The following SLC66A2 variants were observed in gnomAD, a reference collection of about 807,000 sequenced individuals.
The protein encoded by SLC66A2 is solute carrier family 66 member 2.
A neutral mutation model predicts 25.5 loss-of-function variants in SLC66A2; 23 were observed. The observed-to-expected ratio is 0.90, with a 90% CI of 0.65 to 1.28. The LOEUF (loss-of-function observed/expected upper bound fraction) is 1.28. Ranked by LOEUF, SLC66A2 falls within the 50% of genes most tolerant of loss-of-function variation. The pLI is 0.00. For missense variants in SLC66A2, 396 were observed against 373.1 expected (o/e 1.06, Z -0.51); for synonymous variants, 193 against 166.5 (o/e 1.16, Z -1.23).
chr18:79,914,369 A>T (rs1205380027), intron 5 of SLC66A2, among the ~76,000 whole-genome samples: 2 of 152,206 alleles, frequency 1.3e-5, no homozygotes, highest in Non-Finnish European at 2.9e-5. Context: ...AACTCCTGAC[A>T]GGGCTGGGGA....
At chr18:79,909,801 A>C (rs1245700469) in intron 5 of SLC66A2, among the ~76,000 whole-genome samples, 4 of 33,694 alleles carry the variant, frequency 1.2e-4, no homozygotes, top group African/African-American at 3.7e-4. Context: ...CTTCCCCACC[A>C]TCTCACAAGA....
At chr18:79,926,181 T>C (rs779910002) in intron 4 of SLC66A2, among the ~76,000 whole-genome samples, 12 of 152,162 alleles carry the variant, frequency 7.9e-5, no homozygotes, top group Non-Finnish European at 1.2e-4. Flanking sequence ...GAAATAACCA[T>C]AAAAATGGGC....
rs1008448088 is a variant in SLC66A2, at chr18:79,940,648, C to G, written c.337+2681G>C. Among the ~76,000 whole-genome samples the G allele has an allele frequency of 6.6e-6, 1 of 152,068 alleles. No homozygotes were observed. The highest frequency in any genetic ancestry group is 1.5e-5 in the Non-Finnish European group (1 of 67,996). On this transcript the variant is annotated intron_variant, in intron 3 of 5. Transcript: ENST00000397778. This position sits in a 1 kb window ranked among gnomAD's most constrained non-coding sequence, Gnocchi z 4.1. The stretch of plus-strand genomic sequence containing the variant: ...AAGCCAGAGCTTTCAGTCTGAACTC[C>G]AGTGATGTTCCTGCCTTGCCCTCCC...
chr18:79,908,263 C>T (rs957192281), intron 5 of SLC66A2, among the ~76,000 whole-genome samples: 14 of 151,908 alleles, frequency 9.2e-5, no homozygotes, highest in Non-Finnish European at 1.6e-4. Flanking sequence ...CCCATGACTT[C>T]GCTTTGTTTC....
intron 3 of SLC66A2, among the ~76,000 whole-genome samples, chr18:79,934,439 C>A (rs59300126): frequency 0.13 from 19,129 of 152,206 alleles, 1,323 homozygotes; most frequent in Middle Eastern, 0.17. Flanking sequence ...AATATAGCTG[C>A]CCCAGGTCAA....
chr18:79,922,397 C>A (rs1435218459), intron 4 of SLC66A2, among the ~76,000 whole-genome samples: 2 of 152,120 alleles, frequency 1.3e-5, no homozygotes, highest in East Asian at 1.9e-4. Flanking sequence ...GGCGCAGCCC[C>A]CCTCGGGTTA....
intron 4 of SLC66A2, among the ~76,000 whole-genome samples, chr18:79,932,951 A>G (rs1034767409): frequency 6.6e-6 from 1 of 152,238 alleles, no homozygotes; most frequent in Non-Finnish European, 1.5e-5. Context: ...AACTTATTCT[A>G]TAAGGCCAGT....
intron 5 of SLC66A2, among the ~76,000 whole-genome samples, chr18:79,907,186 G>A (rs1038973070): frequency 3.3e-5 from 5 of 152,160 alleles, no homozygotes; most frequent in Non-Finnish European, 5.9e-5. Flanking sequence ...ATTATTGACA[G>A]GTTTGAATTT....
chr18:79,939,915 CA>C (rs1357066142), intron 3 of SLC66A2, among the ~76,000 whole-genome samples: 2 of 152,168 alleles, frequency 1.3e-5, no homozygotes, highest in Non-Finnish European at 2.9e-5. Context: ...CACATGCACA[CA>C]TATGTTCACT....
At position 79,941,534 on chromosome 18, in the gene SLC66A2, A is replaced by G. The variant is rs908500238; in HGVS notation, c.337+1795T>C. 3.9e-5 allele frequency: 6 copies of G among 152,222 alleles called. No homozygotes were observed. Among genetic ancestry groups the G allele is most frequent in the Non-Finnish European group, 7.3e-5 (5 of 68,044 alleles). 9.4% of individuals were successfully genotyped at this position (152,222 alleles called of 1,614,324 possible). ...TTTTAACTCATCCTGGGTAACCAGA[A>G]GAGAAGTACTCCTTTGGAAGAAGTG... On this transcript the variant is annotated intron_variant, in intron 3 of 5. Coordinates refer to ENST00000397778, the MANE Select transcript of SLC66A2 (RefSeq NM_025078.5). This position sits in a 1 kb window ranked among gnomAD's most constrained non-coding sequence, Gnocchi z 4.1.
At chr18:79,907,182 G>C (rs1982236492) in intron 5 of SLC66A2, among the ~76,000 whole-genome samples, 1 of 152,106 alleles carries the variant, frequency 6.6e-6, no homozygotes. Context: ...TGTTATTATT[G>C]ACAGGTTTGA....
At chr18:79,939,511 C>T (rs1194540716) in intron 3 of SLC66A2, among the ~76,000 whole-genome samples, 1 of 152,108 alleles carries the variant, frequency 6.6e-6, no homozygotes, top group Non-Finnish European at 1.5e-5. Context: ...TAATATCCAG[C>T]AACTATAAGG....
chr18:79,903,862 C>T lies in SLC66A2; in HGVS notation c.*114G>A, dbSNP rs1054751333. 6.6e-6 allele frequency: 6 copies of T among 914,574 alleles called. No homozygotes were observed. The African/African-American group carries it at 6.8e-5, about 10-fold the overall frequency. 56.7% of individuals were successfully genotyped at this position (914,574 alleles called of 1,614,324 possible). ...AGAGGCTGATGGAGACCCCAATGCCCATGCCCCATCTCTGCCACACCTGCA... is the reference window on the plus strand; with the variant it reads ...AGAGGCTGATGGAGACCCCAATGCCTATGCCCCATCTCTGCCACACCTGCA... On this transcript the variant is annotated 3_prime_UTR_variant, in exon 6 of 6. Coordinates refer to ENST00000397778, the MANE Select transcript of SLC66A2 (RefSeq NM_025078.5).
At chr18:79,912,093 G>C (rs1983281381) in intron 5 of SLC66A2, among the ~76,000 whole-genome samples, 1 of 25,008 alleles carries the variant, frequency 4.0e-5, no homozygotes, top group African/African-American at 8.8e-5. Flanking sequence ...ACAAGAGCAG[G>C]AAGGGGACAG....
intron 4 of SLC66A2, among the ~76,000 whole-genome samples, chr18:79,929,062 C>G (rs1986294696): frequency 6.6e-6 from 1 of 152,186 alleles, no homozygotes; most frequent in Non-Finnish European, 1.5e-5. Flanking sequence ...GGTACAAGTT[C>G]AAGTGTAAGG....
chr18:79,933,304 A>G (rs540336081), intron 4 of SLC66A2, among the ~76,000 whole-genome samples: 4 of 152,380 alleles, frequency 2.6e-5, no homozygotes, highest in East Asian at 3.9e-4. Flanking sequence ...ATGAAGGGCA[A>G]CTATGGAAAA....
At position 79,942,753 on chromosome 18, in the gene SLC66A2, T is replaced by C. The variant is rs114413629; in HGVS notation, c.337+576A>G. ...CAAAAACTGGAAGAAGTATTTTCTA[T>C]TTTCTAAGCTGCCAAAGGTTAAGGA... is the stretch of plus-strand genomic sequence containing the variant. On this transcript the variant is annotated intron_variant, in intron 3 of 5. Transcript: ENST00000397778. Among the ~76,000 whole-genome samples the C allele has an allele frequency of 4.8e-3, 737 of 152,348 alleles. 6 individuals carry two copies. The highest frequency in any genetic ancestry group is 0.017 in the African/African-American group (702 of 41,580).
intron 4 of SLC66A2, among the ~76,000 whole-genome samples, chr18:79,925,995 G>C (rs1985907939): frequency 6.6e-6 from 1 of 152,148 alleles, no homozygotes. Flanking sequence ...AAAGAAGCCG[G>C]ACAAAACCCA....
chr18:79,923,248 G>A lies in SLC66A2; in HGVS notation c.392-3848C>T, dbSNP rs1213027403. ...GGGTGGATGGGGGGGGGCCGTGGACGGGTGGGTGGAGGACGGGGGGCCATG... is the reference window on the plus strand; with the variant it reads ...GGGTGGATGGGGGGGGGCCGTGGACAGGTGGGTGGAGGACGGGGGGCCATG... On this transcript the variant is annotated intron_variant, in intron 4 of 5. Transcript: ENST00000397778. 5.1e-5 allele frequency among the ~76,000 whole-genome samples: 7 copies of A among 136,496 alleles called. No individual in the cohort carries two copies. In the East Asian group the frequency reaches 1.4e-3, roughly 27 times the overall value. The allele number at this position is 136,496 out of a possible 152,430, so 89.5% of individuals were successfully genotyped here. A position where few individuals can be genotyped will look rare whatever the true frequency, so the allele number is the denominator to read the frequency against.
Sources: gnomAD v4.1 joint callset for allele counts (sites outside exome capture counted in the v4.1 genomes callset) on GRCh38, gnomAD v4.1.1 for gene constraint, Gnocchi (gnomAD v3.1) non-coding constraint, MANE v1.5 for transcripts, NCBI Gene and HGNC (gene_info 2026-07-23, HGNC 2026-07-21) for gene names.